Variants in PCDHA2 observed in about 807,000 individuals in gnomAD.
The protein encoded by PCDHA2 is protocadherin alpha 2, also known as protocadherin alpha-2.
Under a neutral mutation model 66.0 loss-of-function variants are expected in PCDHA2, and 58 were observed. That is an observed-to-expected ratio of 0.88 (90% CI 0.71 to 1.09). PCDHA2 has a LOEUF of 1.09. Among genes scored for constraint, PCDHA2 ranks in the 50% least tolerant of loss-of-function variants. PCDHA2 has a pLI of 0.00. For synonymous variants in PCDHA2, 634 were observed against 554.0 expected (o/e 1.14, Z -2.03); for missense variants, 1,267 against 1,242.3 (o/e 1.02, Z -0.30).
chr5:140,824,026 C>T, intron 1 of PCDHA2: 1 of 1,614,146 alleles, frequency 6.2e-7, no homozygotes, highest in Non-Finnish European at 8.5e-7. Flanking sequence ...GTCGTACTCG[C>T]AGCAGAGGAG....
chr5:140,966,260 A>C, intron 1 of PCDHA2: 1 of 339,990 alleles, frequency 2.9e-6, no homozygotes, highest in Admixed American at 4.8e-5. Context: ...GACGGTGGAG[A>C]CTGGATGAAC....
intron 1 of PCDHA2, chr5:140,812,147 T>TTTGTTGGTGTTGTTG (rs1765044275): frequency 6.6e-6 from 1 of 150,790 alleles, no homozygotes; most frequent in Non-Finnish European, 1.5e-5. Flanking sequence ...GTTTTGGGCT[T>TTTGTTGGTGTTGTTG]TTGTTGTTGT....
chr5:140,848,340 A>G, intron 1 of PCDHA2: 1 of 894,036 alleles, frequency 1.1e-6, no homozygotes, highest in Admixed American at 2.4e-5. Context: ...ATCCAGACAA[A>G]TACAGCCCTT....
At chr5:140,956,930 A>G (rs2153711573) in intron 1 of PCDHA2, among the ~76,000 whole-genome samples, 1 of 151,954 alleles carries the variant, frequency 6.6e-6, no homozygotes, top group East Asian at 1.9e-4. Flanking sequence ...TGCTGGATAT[A>G]GGATAAAATT....
intron 1 of PCDHA2, among the ~76,000 whole-genome samples, chr5:140,910,495 T>C (rs782513326): frequency 1.3e-5 from 2 of 152,176 alleles, no homozygotes; most frequent in Non-Finnish European, 2.9e-5. Flanking sequence ...AGAAGAGCAA[T>C]CACAAAGCTC....
At chr5:140,941,698 T>C (rs2093148440) in intron 1 of PCDHA2, among the ~76,000 whole-genome samples, 1 of 152,186 alleles carries the variant, frequency 6.6e-6, no homozygotes, top group African/African-American at 2.4e-5. Flanking sequence ...TCTTTGGGCT[T>C]AGCTTTCCTC....
chr5:140,927,933 C>G (rs1273187123), intron 1 of PCDHA2: 2 of 1,614,208 alleles, frequency 1.2e-6, no homozygotes, highest in East Asian at 4.5e-5. Context: ...CTCTTTCGAA[C>G]CCAGTACCTG....
intron 1 of PCDHA2, chr5:140,877,799 T>C: frequency 1.2e-6 from 2 of 1,613,438 alleles, no homozygotes; most frequent in Non-Finnish European, 1.7e-6. Context: ...AGCCCAAGCC[T>C]TCAGCTGTCT....
intron 1 of PCDHA2, chr5:140,809,119 C>T: frequency 6.2e-7 from 1 of 1,613,992 alleles, no homozygotes; most frequent in Non-Finnish European, 8.5e-7. Context: ...ACGCTCCGCG[C>T]CACCGCCTAC....
rs782361309 is a variant in PCDHA2 at position 140,857,289 on chromosome 5, G to T, written c.2388+59937G>T. 3 of 1,598,578 alleles carry T rather than the reference G, an allele frequency of 1.9e-6. 1 individual carries two copies. Among genetic ancestry groups the T allele is most frequent in the Middle Eastern group, 1.7e-4 (1 of 5,944 alleles). ...TTGGTGCTGGACAGCGCTCTGGACC[G>T]CGAGAGGGTGTCGGCCTATGAGCTG... is the stretch of plus-strand genomic sequence containing the variant. On this transcript the variant is annotated intron_variant, in intron 1 of 3. Transcript: ENST00000526136.
rs946669637 is a variant in PCDHA2, at chr5:140,923,020, G to C, written c.2389-55929G>C. On this transcript the variant is annotated intron_variant, in intron 1 of 3. Coordinates refer to ENST00000526136, the MANE Select transcript of PCDHA2 (RefSeq NM_018905.3). ...AGAATGGTTGTTGGACTGCAGTTTCGGACTCTATTACTACATGTATAGTAT... is the reference window on the plus strand; with the variant it reads ...AGAATGGTTGTTGGACTGCAGTTTCCGACTCTATTACTACATGTATAGTAT... Among the ~76,000 whole-genome samples the C allele has an allele frequency of 2.0e-5, 3 of 152,230 alleles. No homozygotes were observed. The East Asian group carries it at 5.8e-4, about 29-fold the overall frequency.
chr5:140,858,391 T>C lies in PCDHA2; in HGVS notation c.2388+61039T>C, dbSNP rs1214576702. On this transcript the variant is annotated intron_variant, in intron 1 of 3. Transcript: ENST00000526136. ...GCCTTCCACCATGCCCAATGGTAGA[T>C]GTGGACGGGGAAGATCAGTCTATTG... is the stretch of plus-strand genomic sequence containing the variant. 12 of 1,577,710 alleles carry C rather than the reference T, an allele frequency of 7.6e-6. 1 individual carries two copies. Among genetic ancestry groups the C allele is most frequent in the African/African-American group, 1.4e-5 (1 of 74,060 alleles).
At chr5:140,926,053 C>T (rs768010675) in intron 1 of PCDHA2, among the ~76,000 whole-genome samples, 10 of 152,230 alleles carry the variant, frequency 6.6e-5, no homozygotes, top group Non-Finnish European at 1.5e-4. Context: ...CCCCAACCTT[C>T]TTCCCCTCCT....
At chr5:140,865,328 G>C (rs2048826529) in intron 1 of PCDHA2, 2 of 152,116 alleles carry the variant, frequency 1.3e-5, no homozygotes. Flanking sequence ...CTTTAATTCT[G>C]TGTAAAGAAA....
At chr5:140,884,422 T>C (rs1470374467) in intron 1 of PCDHA2, 15 of 1,613,860 alleles carry the variant, frequency 9.3e-6, no homozygotes, top group Middle Eastern at 1.6e-4. Context: ...TGCTGCTGTA[T>C]ACTGCGCTGC....
At chr5:140,967,143 A>G in intron 1 of PCDHA2, 1 of 1,611,272 alleles carries the variant, frequency 6.2e-7, no homozygotes, top group South Asian at 1.1e-5. Flanking sequence ...GTGCTGGCGC[A>G]CAACCCCGTG....
intron 1 of PCDHA2, chr5:140,848,313 C>A: frequency 2.7e-6 from 2 of 730,622 alleles, no homozygotes; most frequent in Non-Finnish European, 4.5e-6. Flanking sequence ...CACTCTTTGC[C>A]GCGATGTTCT....
intron 1 of PCDHA2, among the ~76,000 whole-genome samples, chr5:140,898,272 A>T (rs13177412): frequency 6.6e-6 from 1 of 152,110 alleles, no homozygotes; most frequent in Non-Finnish European, 1.5e-5. Flanking sequence ...CCCATGCCTA[A>T]GTTCTGAATG....
At chr5:140,898,003 G>A (rs2066458535) in intron 1 of PCDHA2, among the ~76,000 whole-genome samples, 1 of 152,152 alleles carries the variant, frequency 6.6e-6, no homozygotes, top group Non-Finnish European at 1.5e-5. Context: ...AGAAGTGTCT[G>A]TTCATATCCT....
Sources: allele counts gnomAD v4.1 joint callset (sites outside exome capture counted in the v4.1 genomes callset), GRCh38; gene constraint gnomAD v4.1.1; transcripts MANE v1.5; gene names NCBI Gene and HGNC (gene_info 2026-07-23, HGNC 2026-07-21).